TDRD15: variants seen among roughly 807,000 people sequenced by gnomAD.
TDRD15 encodes the protein tudor domain-containing protein 15.
For synonymous variants in TDRD15, 503 were observed against 314.5 expected, an observed-to-expected ratio of 1.60 and a Z score of -6.34; for missense variants, 1,416 against 904.7, an observed-to-expected ratio of 1.57 and a Z score of -7.25.
At chr2:21,127,546 C>A (rs149813609) in intron 1 of TDRD15, 55 bp from the exon 2 acceptor site, 23 of 152,184 alleles carry the variant, frequency 1.5e-4, no homozygotes, top group African/African-American at 5.5e-4. Context: ...CATCATTTGT[C>A]GAATTGCTGG....
At chr2:21,123,950 G>A (rs1210908676), upstream of TDRD15, 1 of 152,554 alleles carries the variant, frequency 6.6e-6, no homozygotes, top group South Asian at 2.1e-4. Flanking sequence ...GGATTACGAG[G>A]GGGTGGGAAC....
intron 1 of TDRD15, among the ~76,000 whole-genome samples, chr2:21,126,608 C>T (rs11688672): frequency 0.086 from 13,016 of 152,120 alleles, 680 homozygotes; most frequent in East Asian, 0.15. Context: ...TCAGGTGATC[C>T]GCCTGCCTTG....
downstream of TDRD15, among the ~76,000 whole-genome samples, chr2:21,147,307 G>A (rs1255811362): frequency 2.0e-5 from 3 of 151,502 alleles, no homozygotes; most frequent in South Asian, 4.2e-4. Flanking sequence ...AGTAAGAGAC[G>A]ATTTATGAGT....
intron 1 of TDRD15, among the ~76,000 whole-genome samples, chr2:21,125,291 C>T (rs79512831): frequency 0.017 from 2,436 of 145,832 alleles, 68 homozygotes; most frequent in African/African-American, 0.059. Context: ...TGAGAGAGAG[C>T]GATCCTAATG....
intron 2 of TDRD15, among the ~76,000 whole-genome samples, chr2:21,128,869 C>G (rs1470464574): frequency 6.7e-6 from 1 of 149,980 alleles, no homozygotes; most frequent in Admixed American, 6.7e-5. Context: ...GTGGAAAAAT[C>G]AGAAGGAAAA....
rs1558300515 is a variant in TDRD15 at position 21,140,599 on chromosome 2, CTA to C, written c.3134_3135del (p.Tyr1045PhefsTer7). 2.8e-6 allele frequency: 2 copies of C among 714,466 alleles called. No homozygotes were observed. Among genetic ancestry groups the C allele is most frequent in the African/African-American group, 3.5e-5 (2 of 57,078 alleles). 44.3% of individuals were successfully genotyped at this position (714,466 alleles called of 1,614,324 possible). A position where few individuals can be genotyped will look rare whatever the true frequency, so the allele number is the denominator to read the frequency against. The stretch of plus-strand genomic sequence containing the variant: ...CAGATTCATCATCTGAGTTTCAAGT[CTA>C]TTTTGTAGACTTTGGAAATAAGCAA... Reference protein sequence around the residue: ...PTDSSSEFQVYFVDFGNKQLV... With the variant: ...PTDSSSEFQVXFVDFGNKQLV... On this transcript the variant is annotated frameshift_variant, in exon 4 of 4. Coordinates refer to ENST00000405799, the MANE Select transcript of TDRD15 (RefSeq NM_001306137.2). LOFTEE classifies it low-confidence loss of function (END_TRUNC).
chr2:21,128,515 G>A (rs1363825770), intron 2 of TDRD15, among the ~76,000 whole-genome samples: 1 of 151,720 alleles, frequency 6.6e-6, no homozygotes, highest in East Asian at 1.9e-4. Context: ...GTAGAGACAG[G>A]GTTTCACCGT....
chr2:21,147,052 CAT>C (rs1666040832), downstream of TDRD15, among the ~76,000 whole-genome samples: 2 of 152,096 alleles, frequency 1.3e-5, no homozygotes, highest in Non-Finnish European at 2.9e-5. Context: ...TAAATTAAAA[CAT>C]GTAAAGCATT....
Position 21,138,313 on chromosome 2 carries a change from T to C in TDRD15, c.846T>C (p.Cys282=). Reference sequence around the variant, plus strand: ...TGACTTTGCATTATGATACCGTCTGTCAAGAAACTAGTCCCACGTGTGATA... The same window carrying C: ...TGACTTTGCATTATGATACCGTCTGCCAAGAAACTAGTCCCACGTGTGATA... ...AHMTLHYDTV[C]QETSPTCDNF... The change falls in exon 4 of 4, where the codon TGT becomes TGC. Residue 282 remains cysteine, a synonymous_variant. Transcript: ENST00000405799. The C allele has an allele frequency of 1.4e-6, 1 of 716,520 alleles. No homozygotes were observed. Among genetic ancestry groups the C allele is most frequent in the Non-Finnish European group, 2.6e-6 (1 of 384,438 alleles). 44.4% of individuals were successfully genotyped at this position (716,520 alleles called of 1,614,324 possible).
chr2:21,129,611 A>G (rs1315978314), intron 2 of TDRD15, among the ~76,000 whole-genome samples: 1 of 152,148 alleles, frequency 6.6e-6, no homozygotes, highest in African/African-American at 2.4e-5. Flanking sequence ...CCCTTATCAG[A>G]TAGGTGATTT....
In TDRD15 at chr2:21,141,723, A is replaced by T. The variant is rs1418232224; in HGVS notation, c.4256A>T (p.Asp1419Val). The T allele has an allele frequency of 2.8e-6, 2 of 715,300 alleles. No individual in the cohort carries two copies. The highest frequency in any genetic ancestry group is 5.2e-6 in the Non-Finnish European group (2 of 383,652). 44.3% of individuals were successfully genotyped at this position (715,300 alleles called of 1,614,324 possible). ...FLSGVKWNEPDEIWDDKTVDY... is the reference protein window; with the variant it reads ...FLSGVKWNEPVEIWDDKTVDY... ...AGTGGAGTAAAATGGAATGAGCCTG[A>T]TGAAATATGGGATGACAAAACTGTG... The change falls in exon 4 of 4, where the codon GAT (aspartate) becomes GTT (valine). Residue 1419 changes from aspartate (D) to valine (V), a missense_variant. Asp to Val is a radical substitution (Grantham distance 152). Transcript: ENST00000405799.
downstream of TDRD15, among the ~76,000 whole-genome samples, chr2:21,145,494 C>T (rs985872563): frequency 1.3e-5 from 2 of 151,836 alleles, no homozygotes; most frequent in African/African-American, 4.8e-5. Flanking sequence ...TATAGCACTC[C>T]TAACACACAG....
chr2:21,139,807 A>G lies in TDRD15; in HGVS notation c.2340A>G (p.Glu780=). ...CATGCCAGCTCCAATGTAAGTCAGA[A>G]GACCTAAAATTACTAATGGAGCAAA... ...DFSCQLQCKS[E]DLKLLMEQIQ... is the part of the protein sequence containing the mutation. Residue 780 remains glutamate, a synonymous_variant, in exon 4 of 4, where the codon GAA becomes GAG. Coordinates refer to ENST00000405799, the MANE Select transcript of TDRD15 (RefSeq NM_001306137.2). 2.8e-6 allele frequency: 2 copies of G among 715,492 alleles called. No homozygotes were observed. The highest frequency in any genetic ancestry group is 2.6e-6 in the Non-Finnish European group (1 of 383,974). 44.3% of individuals were successfully genotyped at this position (715,492 alleles called of 1,614,324 possible).
chr2:21,135,574 A>C (rs1048441859), intron 3 of TDRD15, among the ~76,000 whole-genome samples: 1 of 152,008 alleles, frequency 6.6e-6, no homozygotes, highest in African/African-American at 2.4e-5. Context: ...TGCAGAAACT[A>C]TTAGCCATTG....
downstream of TDRD15, among the ~76,000 whole-genome samples, chr2:21,144,371 T>C (rs1228566895): frequency 1.3e-5 from 2 of 151,918 alleles, no homozygotes; most frequent in Admixed American, 1.3e-4. Flanking sequence ...TTATTCCACA[T>C]TCTGTATTAT....
Position 21,139,200 on chromosome 2 carries a change from A to G in TDRD15, c.1733A>G (p.Asp578Gly). 1.4e-6 allele frequency: 1 copy of G among 714,068 alleles called. No homozygotes were observed. The highest frequency in any genetic ancestry group is 2.6e-6 in the Non-Finnish European group (1 of 383,636). The allele number at this position is 714,068 out of a possible 1,614,324, so 44.2% of individuals were successfully genotyped here. A position where few individuals can be genotyped will look rare whatever the true frequency, so the allele number is the denominator to read the frequency against. ...AATACTGATTCCATACCATTTTTTG[A>G]TGTAAAAATTTTGCTTCCAGAATTT... ...YGNTDSIPFF[D>G]VKILLPEFCE... is the part of the protein sequence containing the mutation. The change falls in exon 4 of 4, where the codon GAT becomes GGT. Residue 578 changes from aspartate to glycine, a missense_variant. Transcript: ENST00000405799.
At chr2:21,131,493 T>A (rs2103438147) in intron 2 of TDRD15, among the ~76,000 whole-genome samples, 1 of 152,338 alleles carries the variant, frequency 6.6e-6, no homozygotes, top group East Asian at 1.9e-4. Context: ...AAAGAACGTC[T>A]TCAGTTATAT....
chr2:21,125,367 G>A (rs901842783), intron 1 of TDRD15, among the ~76,000 whole-genome samples: 1 of 149,070 alleles, frequency 6.7e-6, no homozygotes, highest in Admixed American at 6.7e-5. Context: ...TCTAAGCTAG[G>A]GTGTGTGTGA....
chr2:21,125,463 C>T (rs139143156), intron 1 of TDRD15, among the ~76,000 whole-genome samples: 160 of 148,244 alleles, frequency 1.1e-3, no homozygotes, highest in Non-Finnish European at 2.0e-3. Flanking sequence ...TGTGAGAGAT[C>T]CTAATGCCAA....
Sources: gnomAD v4.1 joint callset for allele counts (sites outside exome capture counted in the v4.1 genomes callset) on GRCh38, gnomAD v4.1.1 for gene constraint, MANE v1.5 for transcripts, NCBI Gene and HGNC (gene_info 2026-07-23, HGNC 2026-07-21) for gene names.